ASMTL: variants seen among roughly 807,000 people sequenced by gnomAD.
The protein encoded by ASMTL is acetylserotonin O-methyltransferase like.
A neutral mutation model predicts 60.3 loss-of-function variants in ASMTL; 57 were observed. The observed-to-expected ratio is 0.95, with a 90% CI of 0.76 to 1.18. The LOEUF (loss-of-function observed/expected upper bound fraction) is 1.18, where lower values mean the gene tolerates loss of function less well. Ranked by LOEUF, ASMTL falls within the 50% of genes most tolerant of loss-of-function variation. ASMTL has a pLI of 0.00. For synonymous variants in ASMTL, 419 were observed against 373.0 expected (o/e 1.12, Z -1.42); for missense variants, 981 against 852.6 (o/e 1.15, Z -1.88).
chrX:1,425,431 C>T (rs1249633435), intron 8 of ASMTL, 94 bp downstream of exon 8: 16 of 1,428,448 alleles, frequency 1.1e-5, no homozygotes, highest in Non-Finnish European at 1.5e-5. Context: ...AGGTGTGGGC[C>T]TCCTTCCTCG....
chrX:1,418,401 C>T (rs1199756391), intron 10 of ASMTL, among the ~76,000 whole-genome samples: 1 of 151,954 alleles, frequency 6.6e-6, no homozygotes, highest in African/African-American at 2.4e-5. Context: ...GCCGGTGCTA[C>T]AGCAGCCACT....
chrX:1,447,505 G>A (rs1158645226), intron 1 of ASMTL, among the ~76,000 whole-genome samples: 6 of 136,492 alleles, frequency 4.4e-5, no homozygotes, highest in Admixed American at 1.5e-4. Context: ...GACACACACC[G>A]CCATCTGGGA....
chrX:1,418,962 C>T lies in ASMTL; in HGVS notation c.1378+20G>A, dbSNP rs2090394347. On this transcript the variant is annotated intron_variant, in intron 10 of 12. Coordinates refer to ENST00000381317, the MANE Select transcript of ASMTL (RefSeq NM_004192.4). ...TTAATAAACGAAAGTAAGGAGAGCC[C>T]TGGCGGGGGGGCCACCCACCTCCCA... 6.2e-7 allele frequency: 1 copy of T among 1,611,082 alleles called. No homozygotes were observed. Among genetic ancestry groups the T allele is most frequent in the Middle Eastern group, 2.3e-4 (1 of 4,432 alleles).
chrX:1,421,260 C>G (rs1275268476), intron 9 of ASMTL, among the ~76,000 whole-genome samples: 1 of 152,054 alleles, frequency 6.6e-6, no homozygotes, highest in Non-Finnish European at 1.5e-5. Flanking sequence ...GCCACCATGC[C>G]CAGCCTAACT....
At chrX:1,415,027 G>A (rs1206812839) in intron 11 of ASMTL, among the ~76,000 whole-genome samples, 8 of 150,016 alleles carry the variant, frequency 5.3e-5, no homozygotes, top group Non-Finnish European at 1.0e-4. Context: ...GGCAAGCTCC[G>A]CCTCCCGGGT....
intron 1 of ASMTL, among the ~76,000 whole-genome samples, chrX:1,449,939 C>G (rs2091320618): frequency 6.7e-6 from 1 of 149,658 alleles, no homozygotes; most frequent in South Asian, 2.1e-4. Flanking sequence ...TAACCCCCAC[C>G]ACCAGTAAAT....
chrX:1,418,130 A>G lies in ASMTL; in HGVS notation c.1379-14T>C. ...CACCCGTGCAGCCTGCGGGGAAGCA[A>G]ATGCATGCTCTGTGGCTGGGTCGTC... On this transcript the variant is annotated splice_polypyrimidine_tract_variant and intron_variant, in intron 10 of 12. Coordinates refer to ENST00000381317, the MANE Select transcript of ASMTL (RefSeq NM_004192.4). The G allele has an allele frequency of 6.3e-7, 1 of 1,585,530 alleles. No individual in the cohort carries two copies. The highest frequency in any genetic ancestry group is 8.6e-7 in the Non-Finnish European group (1 of 1,162,514).
At chrX:1,417,724 A>ATG (rs2090344566) in intron 11 of ASMTL, among the ~76,000 whole-genome samples, 3 of 3,688 alleles carry the variant, frequency 8.1e-4, no homozygotes, top group Non-Finnish European at 3.2e-3. Flanking sequence ...GGATGCAGAC[A>ATG]CACACACACA....
At chrX:1,414,792 G>A (rs1347920585) in intron 11 of ASMTL, among the ~76,000 whole-genome samples, 1 of 152,160 alleles carries the variant, frequency 6.6e-6, no homozygotes, top group East Asian at 1.9e-4. Flanking sequence ...AGGAGGAGCT[G>A]TAGGGTGGTT....
chrX:1,412,564 C>G (rs5989842), intron 12 of ASMTL, 168 bp downstream of exon 12: 4 of 308,050 alleles, frequency 1.3e-5, no homozygotes, highest in Non-Finnish European at 1.9e-5. Context: ...GGTTTCACCA[C>G]GTTGGCCAGG....
At chrX:1,444,621 C>T (rs1476157992) in intron 1 of ASMTL, among the ~76,000 whole-genome samples, 2 of 152,136 alleles carry the variant, frequency 1.3e-5, no homozygotes, top group Admixed American at 6.6e-5. Flanking sequence ...TGGGCAGGGG[C>T]AGCCTGTCCC....
Position 1,403,375 on chromosome X carries a change from A to G in ASMTL, c.1760T>C (p.Leu587Pro). 6.2e-7 allele frequency: 1 copy of G among 1,613,452 alleles called. No homozygotes were observed. The highest frequency in any genetic ancestry group is 8.5e-7 in the Non-Finnish European group (1 of 1,179,864). Residue 587 changes from leucine (L) to proline (P), a missense_variant, in exon 13 of 13, where the codon CTG (leucine) becomes CCG (proline). Coordinates refer to ENST00000381317, the MANE Select transcript of ASMTL (RefSeq NM_004192.4). ...LVQTEGKERSLGEYQCLLELH... is the reference protein window; with the variant it reads ...LVQTEGKERSPGEYQCLLELH... ...CTCCAGCAAGCACTGATACTCGCCC[A>G]GGCTCCGCTCCTTGCCTTCAGTCTG... is the stretch of plus-strand genomic sequence containing the variant.
In ASMTL at chrX:1,452,796, C is replaced by T. The variant is rs370093072; in HGVS notation, c.45G>A (p.Val15=). Residue 15 remains valine, a synonymous_variant, in exon 1 of 13, where the codon GTG becomes GTA. Transcript: ENST00000381317. ...PVIGKLLHKR[V]VLASASPRRQ... Reference sequence around the variant, plus strand: ...GGCGTGGGGAGGCGCTGGCCAGCACCACGCGCTTGTGCAGCAGCTTCCCAA... The same window carrying T: ...GGCGTGGGGAGGCGCTGGCCAGCACTACGCGCTTGTGCAGCAGCTTCCCAA... The T allele has an allele frequency of 1.3e-6, 2 of 1,597,094 alleles. No individual in the cohort carries two copies. Among genetic ancestry groups the T allele is most frequent in the Non-Finnish European group, 8.5e-7 (1 of 1,177,620 alleles).
rs1302628121 is a variant in ASMTL at position 1,442,035 on chromosome X, GC to G, written c.225+150del. 17 of 807,712 alleles carry G rather than the reference GC, an allele frequency of 2.1e-5. No homozygotes were observed. The African/African-American group carries it at 2.8e-4, about 13-fold the overall frequency. 50.0% of individuals were successfully genotyped at this position (807,712 alleles called of 1,614,324 possible). On this transcript the variant is annotated intron_variant, in intron 2 of 12. Coordinates refer to ENST00000381317, the MANE Select transcript of ASMTL (RefSeq NM_004192.4). ...GGTATTATTAGGTTACTGCAATAGTGCATTACATTATAACATAGCAATAGCT... is the reference window on the plus strand; with the variant it reads ...GGTATTATTAGGTTACTGCAATAGTGATTACATTATAACATAGCAATAGCT...
chrX:1,418,813 C>G (rs762463423), intron 10 of ASMTL, 169 bp downstream of exon 10: 32 of 376,858 alleles, frequency 8.5e-5, no homozygotes, highest in African/African-American at 7.0e-4. Context: ...CCGGGGTCCT[C>G]CTGGAACTTG....
chrX:1,439,573 G>A (rs1334505295), intron 2 of ASMTL, among the ~76,000 whole-genome samples: 17 of 152,154 alleles, frequency 1.1e-4, no homozygotes, highest in African/African-American at 2.2e-4. Flanking sequence ...AGGGCTGGGC[G>A]CGGTGGCTCA....
At chrX:1,435,303 G>A in intron 4 of ASMTL, 1 of 637,092 alleles carries the variant, frequency 1.6e-6, no homozygotes, top group Non-Finnish European at 2.8e-6. Context: ...CCTGACGGGA[G>A]GCGCCAGGCC....
chrX:1,435,663 G>A (rs762191658), intron 4 of ASMTL, 31 bp downstream of exon 4: 20 of 1,609,882 alleles, frequency 1.2e-5, no homozygotes, highest in Non-Finnish European at 3.4e-6. Flanking sequence ...CTCAGAACCC[G>A]AGAGGGCTCA....
Position 1,432,301 on chromosome X carries a change from C to T in ASMTL, c.477G>A (p.Leu159=). 6.2e-7 allele frequency: 1 copy of T among 1,612,936 alleles called. No individual in the cohort carries two copies. Among genetic ancestry groups the T allele is most frequent in the Non-Finnish European group, 8.5e-7 (1 of 1,179,660 alleles). The change falls in exon 6 of 13, where the codon CTG becomes CTA. Residue 159 remains leucine, a synonymous_variant. Transcript: ENST00000381317. The part of the protein sequence containing the change: ...KVKFSELSEE[L]LWEYVHSGEP... ...CCCCGCTGTGGACGTATTCCCAGAG[C>T]AGCTCCTCGGACAGCTCCGAGAACT...
Sources: allele counts gnomAD v4.1 joint callset (sites outside exome capture counted in the v4.1 genomes callset), GRCh38; gene constraint gnomAD v4.1.1; transcripts MANE v1.5; gene names NCBI Gene and HGNC (gene_info 2026-07-23, HGNC 2026-07-21).